The following LHFPL3 variants were observed in gnomAD, a reference collection of about 807,000 sequenced individuals.
LHFPL3 encodes the protein LHFPL tetraspan subfamily member 3 protein.
A neutral mutation model predicts 19.3 loss-of-function variants in LHFPL3; 5 were observed. The ratio of observed to expected loss-of-function variants is 0.26; its 90% CI spans 0.14 to 0.54. The LOEUF (loss-of-function observed/expected upper bound fraction) is 0.54, where lower values mean the gene tolerates loss of function less well. LHFPL3 is among the 20% of genes least tolerant of loss of function. The pLI, the probability that LHFPL3 is intolerant of heterozygous loss-of-function variation, is 0.94. For synonymous variants in LHFPL3, 133 were observed against 126.2 expected (o/e 1.05, Z -0.36); for missense variants, 249 against 307.4 (o/e 0.81, Z 1.42).
chr7:104,741,487 C>T (rs1793936170), intron 2 of LHFPL3, among the ~76,000 whole-genome samples: 1 of 144,272 alleles, frequency 6.9e-6, no homozygotes, highest in Non-Finnish European at 1.5e-5. Context: ...AAAAGCCCCA[C>T]TGAAAAACAA....
intron 1 of LHFPL3, among the ~76,000 whole-genome samples, chr7:104,490,845 A>G (rs1793330558): frequency 6.6e-6 from 1 of 152,118 alleles, no homozygotes; most frequent in African/African-American, 2.4e-5. Flanking sequence ...CCCTCCTCTC[A>G]CAGGTTTCCT....
At chr7:104,436,543 T>C (rs914710689) in intron 1 of LHFPL3, among the ~76,000 whole-genome samples, 1 of 152,224 alleles carries the variant, frequency 6.6e-6, no homozygotes, top group Non-Finnish European at 1.5e-5. Flanking sequence ...TGCTTCTTTA[T>C]TTTTTAAAAT....
intron 2 of LHFPL3, among the ~76,000 whole-genome samples, chr7:104,843,673 G>C (rs1423839448): frequency 6.6e-6 from 1 of 152,142 alleles, no homozygotes; most frequent in South Asian, 2.1e-4. Context: ...TTAGAGGAGA[G>C]GGCCTGTACC....
intron 1 of LHFPL3, among the ~76,000 whole-genome samples, chr7:104,405,850 A>G (rs1432109344): frequency 6.6e-6 from 1 of 152,224 alleles, no homozygotes; most frequent in African/African-American, 2.4e-5. Flanking sequence ...GGCCAGGGGC[A>G]TTCACTTCCT....
chr7:104,744,909 C>T (rs1397201850), intron 2 of LHFPL3, among the ~76,000 whole-genome samples: 1 of 152,156 alleles, frequency 6.6e-6, no homozygotes, highest in Non-Finnish European at 1.5e-5. Context: ...CACACACTTC[C>T]TTAGGTAATC....
intron 1 of LHFPL3, among the ~76,000 whole-genome samples, chr7:104,425,894 TC>T: frequency 6.6e-6 from 1 of 152,296 alleles, no homozygotes; most frequent in Middle Eastern, 3.4e-3. Context: ...AAAGTTCTTA[TC>T]CTTTCCCAAG....
At chr7:104,602,762 C>T (rs1158440694) in intron 1 of LHFPL3, among the ~76,000 whole-genome samples, 1 of 152,136 alleles carries the variant, frequency 6.6e-6, no homozygotes, top group Non-Finnish European at 1.5e-5. Context: ...ATGTATTTGG[C>T]TCATGTTTCT....
chr7:104,586,168 G>A (rs138315571), intron 1 of LHFPL3, among the ~76,000 whole-genome samples: 135 of 152,238 alleles, frequency 8.9e-4, no homozygotes, highest in African/African-American at 3.1e-3. Flanking sequence ...TTAGAAGGAG[G>A]AAATAAAAGA....
chr7:104,866,373 G>A (rs1472419785), intron 2 of LHFPL3, among the ~76,000 whole-genome samples: 5 of 152,140 alleles, frequency 3.3e-5, no homozygotes, highest in African/African-American at 4.8e-5. Context: ...ATAAAGGGAT[G>A]GAGGAAGATC....
intron 1 of LHFPL3, among the ~76,000 whole-genome samples, chr7:104,557,889 T>C (rs1460903775): frequency 6.7e-6 from 1 of 149,992 alleles, no homozygotes; most frequent in Non-Finnish European, 1.5e-5. Context: ...CCATGTGATC[T>C]CATTGTTCAA....
chr7:104,750,174 G>C (rs1363919173), intron 2 of LHFPL3, among the ~76,000 whole-genome samples: 1 of 152,196 alleles, frequency 6.6e-6, no homozygotes, highest in African/African-American at 2.4e-5. Context: ...CTGAGGCTGT[G>C]CCTATGCCGA....
chr7:104,600,965 A>G (rs781005418), intron 1 of LHFPL3, among the ~76,000 whole-genome samples: 4 of 152,234 alleles, frequency 2.6e-5, no homozygotes, highest in Non-Finnish European at 4.4e-5. Context: ...GCTGGGCACC[A>G]TTATGCAGAT....
intron 1 of LHFPL3, among the ~76,000 whole-genome samples, chr7:104,431,781 T>A (rs2116561350): frequency 6.6e-6 from 1 of 152,366 alleles, no homozygotes; most frequent in South Asian, 2.1e-4. Context: ...TGAGAAATAC[T>A]ATTTCATTCA....
intron 1 of LHFPL3, among the ~76,000 whole-genome samples, chr7:104,657,193 CA>C (rs1209841213): frequency 2.6e-5 from 4 of 152,204 alleles, no homozygotes; most frequent in African/African-American, 9.7e-5. Flanking sequence ...TCAAAATATT[CA>C]ATCACCAATA....
intron 2 of LHFPL3, among the ~76,000 whole-genome samples, chr7:104,883,824 G>A (rs949874630): frequency 3.9e-5 from 6 of 152,126 alleles, no homozygotes; most frequent in African/African-American, 1.4e-4. Flanking sequence ...TTGCCTGGAC[G>A]CCGCACACCA....
chr7:104,756,881 CT>C (rs1210581875), intron 2 of LHFPL3, among the ~76,000 whole-genome samples: 1 of 152,178 alleles, frequency 6.6e-6, no homozygotes, highest in Non-Finnish European at 1.5e-5. Flanking sequence ...ATTCTGACAA[CT>C]TTTTTCACTA....
At chr7:104,498,966 A>G (rs1562916998) in intron 1 of LHFPL3, among the ~76,000 whole-genome samples, 2 of 151,724 alleles carry the variant, frequency 1.3e-5, no homozygotes. Context: ...ATGTTCAAAG[A>G]TTTTTTTTTC....
At chr7:104,409,304 CTGTGTGTGTGTG>C (rs59285167) in intron 1 of LHFPL3, among the ~76,000 whole-genome samples, 54,519 of 148,828 alleles carry the variant, frequency 0.37, 10,352 homozygotes, top group Admixed American at 0.51. Flanking sequence ...CTTATGTGTG[CTGTGTGTGTGTG>C]TGTGTGTGTG....
intron 1 of LHFPL3, among the ~76,000 whole-genome samples, chr7:104,688,764 T>C (rs1392274266): frequency 6.6e-6 from 1 of 152,138 alleles, no homozygotes; most frequent in Non-Finnish European, 1.5e-5. Flanking sequence ...CCCCTAGAGA[T>C]GTGGTTCAGA....
Sources: gnomAD v4.1 joint callset for allele counts (sites outside exome capture counted in the v4.1 genomes callset) on GRCh38, gnomAD v4.1.1 for gene constraint, MANE v1.5 for transcripts, NCBI Gene and HGNC (gene_info 2026-07-23, HGNC 2026-07-21) for gene names.